The following TTC28 variants were observed in gnomAD, a reference collection of about 807,000 sequenced individuals.
TTC28 encodes the protein tetratricopeptide repeat domain 28, also known as tetratricopeptide repeat protein 28.
A neutral mutation model predicts 198.0 loss-of-function variants in TTC28; 61 were observed. That is an observed-to-expected ratio of 0.31 (90% CI 0.25 to 0.38). The LOEUF (loss-of-function observed/expected upper bound fraction) is 0.38. Ranked by LOEUF, TTC28 falls within the 10% of genes least tolerant of loss-of-function variation. The pLI, the probability that TTC28 is intolerant of heterozygous loss-of-function variation, is 1.00. For missense variants in TTC28, 2,678 were observed against 3,164.0 expected (o/e 0.85, Z 3.69); for synonymous variants, 1,171 against 1,297.8 (o/e 0.90, Z 2.10).
chr22:28,036,276 C>A (rs1939340655), intron 12 of TTC28, among the ~76,000 whole-genome samples: 1 of 152,170 alleles, frequency 6.6e-6, no homozygotes, highest in African/African-American at 2.4e-5. Context: ...TAGTAAAACA[C>A]TCCTCAGCAA....
chr22:28,272,814 G>A (rs944609855), intron 5 of TTC28, among the ~76,000 whole-genome samples: 1 of 152,124 alleles, frequency 6.6e-6, no homozygotes, highest in African/African-American at 2.4e-5. Flanking sequence ...GAGCTACCAA[G>A]GAAGCCAAGA....
intron 12 of TTC28, among the ~76,000 whole-genome samples, chr22:28,066,038 C>T (rs1257424238): frequency 6.6e-6 from 1 of 152,176 alleles, no homozygotes; most frequent in Non-Finnish European, 1.5e-5. Context: ...CCCTTGTACG[C>T]ACAATATTTC....
chr22:28,505,016 G>A (rs1203597990), intron 2 of TTC28, among the ~76,000 whole-genome samples: 2 of 151,982 alleles, frequency 1.3e-5, no homozygotes, highest in Non-Finnish European at 2.9e-5. Context: ...AAGCACTTTG[G>A]GAGGCCGAGG....
At chr22:28,147,865 T>C (rs1377546593) in intron 6 of TTC28, among the ~76,000 whole-genome samples, 4 of 152,216 alleles carry the variant, frequency 2.6e-5, no homozygotes, top group Admixed American at 6.5e-5. Context: ...GGCCTTTTCA[T>C]ATATTCTCAA....
At chr22:28,297,914 CT>C in intron 3 of TTC28, 62 bp from the exon 4 acceptor site, 2 of 1,488,264 alleles carry the variant, frequency 1.3e-6, no homozygotes, top group South Asian at 1.2e-5. Context: ...CAAAAACAAT[CT>C]TTTCTAATAC....
At chr22:28,653,593 C>G (rs1346380555) in intron 1 of TTC28, among the ~76,000 whole-genome samples, 2 of 151,884 alleles carry the variant, frequency 1.3e-5, no homozygotes, top group Non-Finnish European at 2.9e-5. Flanking sequence ...CATACCTGTA[C>G]AGACTAACAT....
chr22:28,108,869 T>C (rs1177063849), intron 6 of TTC28, among the ~76,000 whole-genome samples: 1 of 152,214 alleles, frequency 6.6e-6, no homozygotes, highest in Non-Finnish European at 1.5e-5. Context: ...TTTCCTTTAA[T>C]AATCAATGAA....
chr22:28,149,641 T>C (rs1342547329), intron 6 of TTC28, among the ~76,000 whole-genome samples: 1 of 152,180 alleles, frequency 6.6e-6, no homozygotes, highest in Non-Finnish European at 1.5e-5. Flanking sequence ...CCTCCACATT[T>C]TGTCCCACCA....
chr22:28,497,660 C>T (rs1351400156), intron 2 of TTC28, among the ~76,000 whole-genome samples: 2 of 152,040 alleles, frequency 1.3e-5, no homozygotes, highest in Non-Finnish European at 2.9e-5. Flanking sequence ...CAGTGGGCGG[C>T]TAGGGGATCG....
chr22:28,057,818 C>T (rs1473982606), intron 12 of TTC28, among the ~76,000 whole-genome samples: 1 of 151,720 alleles, frequency 6.6e-6, no homozygotes, highest in African/African-American at 2.4e-5. Flanking sequence ...GTAGATATAC[C>T]CAGTTGTTCC....
chr22:28,334,299 C>T (rs1461104126), intron 2 of TTC28, among the ~76,000 whole-genome samples: 4 of 151,970 alleles, frequency 2.6e-5, no homozygotes, highest in Non-Finnish European at 5.9e-5. Context: ...GTGAATAGTG[C>T]CACAATAAAC....
chr22:28,555,552 A>G (rs2049773053), intron 2 of TTC28, among the ~76,000 whole-genome samples: 1 of 152,212 alleles, frequency 6.6e-6, no homozygotes, highest in Non-Finnish European at 1.5e-5. Context: ...AGCAACCTGA[A>G]TGGAATTGGA....
chr22:28,335,444 G>T (rs985655547), intron 2 of TTC28, among the ~76,000 whole-genome samples: 4 of 152,124 alleles, frequency 2.6e-5, no homozygotes, highest in Non-Finnish European at 4.4e-5. Flanking sequence ...ATTACCTTGG[G>T]CTGTATTGCC....
intron 12 of TTC28, among the ~76,000 whole-genome samples, chr22:28,061,219 T>C (rs1459437726): frequency 6.6e-6 from 1 of 152,232 alleles, no homozygotes; most frequent in Admixed American, 6.5e-5. Flanking sequence ...CTCTTTAGTT[T>C]AATTAGATCC....
Position 27,993,937 on chromosome 22 carries a change from G to A in TTC28, c.5245-419C>T, listed in dbSNP as rs142588688. Among the ~76,000 whole-genome samples, 535 of 152,354 alleles carry A rather than the reference G, an allele frequency of 3.5e-3. 7 individuals carry two copies. Among genetic ancestry groups the A allele is most frequent in the Middle Eastern group, 0.014 (4 of 294 alleles). On this transcript the variant is annotated intron_variant, in intron 17 of 22. Coordinates refer to ENST00000397906, the MANE Select transcript of TTC28 (RefSeq NM_001145418.2). ...CAGCCCAGCCCCATCATGGGGTCTT[G>A]GCTGGCAATGCCCTTCTTCCCCATT...
intron 6 of TTC28, among the ~76,000 whole-genome samples, chr22:28,132,209 G>C (rs990066766): frequency 6.6e-6 from 1 of 152,188 alleles, no homozygotes; most frequent in African/African-American, 2.4e-5. Context: ...ACATATACTT[G>C]AAGGTGTCCT....
intron 2 of TTC28, among the ~76,000 whole-genome samples, chr22:28,606,701 G>C (rs914259600): frequency 6.6e-6 from 1 of 152,050 alleles, no homozygotes; most frequent in Non-Finnish European, 1.5e-5. Flanking sequence ...TGACCAAAAA[G>C]ACCTGAGCAT....
intron 2 of TTC28, among the ~76,000 whole-genome samples, chr22:28,361,492 G>T (rs983687120): frequency 2.0e-5 from 3 of 152,108 alleles, no homozygotes; most frequent in Admixed American, 6.5e-5. Context: ...GGAAGAAGCT[G>T]CAGAAGAAAA....
In TTC28 at chr22:28,107,072, T is replaced by G; in HGVS notation, c.2773A>C (p.Asn925His). ...DQAKAYRGLGNGHRAMGSLQQ... is the reference protein window; with the variant it reads ...DQAKAYRGLGHGHRAMGSLQQ... ...CTTGGTCATTTTTACCTGTGTCCAT[T>G]TCCCAGGCCCCGGTAAGCCTTGGCT... Residue 925 changes from asparagine (N) to histidine (H), a missense_variant, in exon 7 of 23, where the codon AAT (asparagine) becomes CAT (histidine). Physicochemically the swap from Asn to His is moderately conservative, Grantham distance 68 (BLOSUM62 1). Coordinates refer to ENST00000397906, the MANE Select transcript of TTC28 (RefSeq NM_001145418.2). The G allele has an allele frequency of 6.5e-7, 1 of 1,547,318 alleles. No homozygotes were observed. Among genetic ancestry groups the G allele is most frequent in the Non-Finnish European group, 8.7e-7 (1 of 1,143,686 alleles).
Sources: gnomAD v4.1 joint callset for allele counts (sites outside exome capture counted in the v4.1 genomes callset) on GRCh38, gnomAD v4.1.1 for gene constraint, MANE v1.5 for transcripts, NCBI Gene and HGNC (gene_info 2026-07-23, HGNC 2026-07-21) for gene names.